The following CD74 variants were observed in gnomAD, a reference collection of about 807,000 sequenced individuals.
CD74 encodes the protein CD74 molecule, also known as HLA class II histocompatibility antigen gamma chain.
A neutral mutation model predicts 37.1 loss-of-function variants in CD74; 20 were observed. That is an observed-to-expected ratio of 0.54 (90% confidence interval 0.38 to 0.78). CD74 has a LOEUF of 0.78. CD74 is among the 30% of genes least tolerant of loss of function. CD74 has a pLI of 0.00. For synonymous variants in CD74, 150 were observed against 152.0 expected (o/e 0.99, Z 0.10); for missense variants, 338 against 389.5 (o/e 0.87, Z 1.11).
intron 5 of CD74, 53 bp from the exon 6 acceptor site, chr5:150,404,820 C>T: frequency 3.2e-6 from 4 of 1,249,474 alleles, no homozygotes; most frequent in African/African-American, 1.5e-5. Context: ...CAAGCCCCTA[C>T]ACTGCCTGGC....
chr5:150,412,744 G>C lies in CD74; in HGVS notation c.6C>G (p.His2Gln), dbSNP rs1282235230. ...CCCGACAGCTCCTGCTTCTCCTCCT[G>C]TGCATCTGGGACCCTGACCCCCCGG... M[H>Q]RRRSRSCRED... Residue 2 changes from histidine (H) to glutamine (Q), a missense_variant, in exon 1 of 9, where the codon CAC becomes CAG. Transcript: ENST00000009530. 1 of 1,613,996 alleles carries C rather than the reference G, an allele frequency of 6.2e-7. No homozygotes were observed. The highest frequency in any genetic ancestry group is 1.7e-5 in the Admixed American group (1 of 60,022).
chr5:150,402,075 TC>T lies in CD74; in HGVS notation c.*164del, dbSNP rs1769650017. 2 of 1,540,976 alleles carry T rather than the reference TC, an allele frequency of 1.3e-6. No homozygotes were observed. The highest frequency in any genetic ancestry group is 4.9e-5 in the East Asian group (2 of 40,922). On this transcript the variant is annotated 3_prime_UTR_variant, in exon 9 of 9. Transcript: ENST00000009530. This position sits in a 1 kb window ranked among gnomAD's most constrained non-coding sequence, Gnocchi z 4.2. The stretch of plus-strand genomic sequence containing the variant: ...GCCTTGCTGCATTGTTATCTGCTGT[TC>T]CGACTTGGTTTGTCTTGTCCAAGGG...
At chr5:150,412,413 C>T (rs1770397172) in intron 1 of CD74, among the ~76,000 whole-genome samples, 1 of 152,228 alleles carries the variant, frequency 6.6e-6, no homozygotes, top group African/African-American at 2.4e-5. Context: ...GTTACAAACT[C>T]CTGCTCTTAA....
intron 1 of CD74, among the ~76,000 whole-genome samples, chr5:150,410,395 T>G (rs1430644673): frequency 6.6e-6 from 1 of 152,184 alleles, no homozygotes; most frequent in Non-Finnish European, 1.5e-5. Flanking sequence ...TCTAAGTTGA[T>G]TAACCCTCTG....
At position 150,412,317 on chromosome 5, in the gene CD74, A is replaced by G. The variant is rs569326677; in HGVS notation, c.125+308T>C. Among the ~76,000 whole-genome samples, 14 of 152,326 alleles carry G rather than the reference A, an allele frequency of 9.2e-5. No individual in the cohort carries two copies. The East Asian group carries it at 2.7e-3, about 29-fold the overall frequency. ...ACAGCCCAGCTTTAGTGGGATCTCAAAGCCCCTGCATAGCATGTGAAACTC... is the reference window on the plus strand; with the variant it reads ...ACAGCCCAGCTTTAGTGGGATCTCAGAGCCCCTGCATAGCATGTGAAACTC... On this transcript the variant is annotated intron_variant, in intron 1 of 8. Coordinates refer to ENST00000009530, the MANE Select transcript of CD74 (RefSeq NM_001025159.3).
In CD74 at chr5:150,402,305, C is replaced by T. The variant is rs1420587198; in HGVS notation, c.881-55G>A. 8 of 1,332,976 alleles carry T rather than the reference C, an allele frequency of 6.0e-6. No individual in the cohort carries two copies. Among genetic ancestry groups the T allele is most frequent in the African/African-American group, 1.4e-5 (1 of 69,560 alleles). The allele number at this position is 1,332,976 out of a possible 1,614,324, so 82.6% of individuals were successfully genotyped here. Reference sequence around the variant, plus strand: ...GGGTCACCCATTTGTTGTCCCTGCCCCTTTCTAACATCCTGGACCTGCAGA... The same window carrying T: ...GGGTCACCCATTTGTTGTCCCTGCCTCTTTCTAACATCCTGGACCTGCAGA... On this transcript the variant is annotated intron_variant, in intron 8 of 8. Transcript: ENST00000009530. The surrounding 1 kb of genome is among the most constrained non-coding windows in gnomAD (Gnocchi z 4.2).
In CD74 at chr5:150,402,323, C is replaced by T. The variant is rs2151166230; in HGVS notation, c.881-73G>A. 1.7e-6 allele frequency: 2 copies of T among 1,175,770 alleles called. No individual in the cohort carries two copies. The highest frequency in any genetic ancestry group is 1.9e-5 in the Admixed American group (1 of 52,246). 72.8% of individuals were successfully genotyped at this position (1,175,770 alleles called of 1,614,324 possible). On this transcript the variant is annotated intron_variant, in intron 8 of 8. Transcript: ENST00000009530. The surrounding 1 kb of genome is among the most constrained non-coding windows in gnomAD (Gnocchi z 4.2). ...CCCTGCCCCTTTCTAACATCCTGGA[C>T]CTGCAGAGCAGTTAAGGACTGTCCA...
intron 4 of CD74, 136 bp downstream of exon 4, chr5:150,406,123 G>T (rs754199737): frequency 6.2e-5 from 45 of 725,240 alleles, no homozygotes; most frequent in Non-Finnish European, 1.0e-4. Context: ...ACATTTAAGG[G>T]TCACCCTTGT....
At chr5:150,405,039 G>C in intron 5 of CD74, 46 bp downstream of exon 5, 1 of 1,431,204 alleles carries the variant, frequency 7.0e-7, no homozygotes, top group Admixed American at 1.7e-5. Flanking sequence ...CCCTGCCCTA[G>C]ACACCAGAGG....
chr5:150,405,208 G>A (rs1308196141), intron 4 of CD74, 28 bp from the exon 5 acceptor site: 1 of 1,555,486 alleles, frequency 6.4e-7, no homozygotes, highest in African/African-American at 1.4e-5. Flanking sequence ...AGGAAGGATG[G>A]TTCAAGAAGA....
At chr5:150,409,704 C>CAAAAAAAAAAAAAAAAAA in intron 1 of CD74, among the ~76,000 whole-genome samples, 1 of 89,540 alleles carries the variant, frequency 1.1e-5, no homozygotes, top group Non-Finnish European at 2.1e-5. Context: ...AAAAACATAA[C>CAAAAAAAAAAAAAAAAAA]AAAAAAAAAA....
chr5:150,406,759 C>T, intron 3 of CD74, 122 bp downstream of exon 3: 1 of 647,010 alleles, frequency 1.5e-6, no homozygotes, highest in South Asian at 2.2e-5. Flanking sequence ...CAGGCACTGT[C>T]CCTCCCGCAG....
At chr5:150,404,957 G>C in intron 5 of CD74, 128 bp downstream of exon 5, 1 of 957,860 alleles carries the variant, frequency 1.0e-6, no homozygotes, top group Non-Finnish European at 1.6e-6. Context: ...TCCAGGTTTT[G>C]GAAGTGCTGG....
At chr5:150,409,704 C>CAAAAAAAAAAAA (rs755621804) in intron 1 of CD74, among the ~76,000 whole-genome samples, 29 of 89,436 alleles carry the variant, frequency 3.2e-4, no homozygotes, top group Non-Finnish European at 4.1e-4. Flanking sequence ...AAAAACATAA[C>CAAAAAAAAAAAA]AAAAAAAAAA....
chr5:150,405,451 A>G lies in CD74; in HGVS notation c.442-271T>C, dbSNP rs1034545641. The stretch of plus-strand genomic sequence containing the variant: ...ACAAGCCCCAGTGTCCTCCCTGTGG[A>G]TGGCTGCTCAGCTTTCAGGTCTTAC... On this transcript the variant is annotated intron_variant, in intron 4 of 8. Transcript: ENST00000009530. The G allele has an allele frequency of 9.1e-6, 11 of 1,208,828 alleles. No homozygotes were observed. In the African/African-American group the frequency reaches 1.6e-4, roughly 17 times the overall value. 74.9% of individuals were successfully genotyped at this position (1,208,828 alleles called of 1,614,324 possible).
At chr5:150,404,417 G>A (rs2151175444) in intron 6 of CD74, 1 of 468,996 alleles carries the variant, frequency 2.1e-6, no homozygotes, top group Non-Finnish European at 3.9e-6. Context: ...TATGAGAGAG[G>A]TCACCTGTAC....
intron 1 of CD74, among the ~76,000 whole-genome samples, chr5:150,408,768 T>C (rs1000794707): frequency 6.6e-6 from 1 of 152,204 alleles, no homozygotes; most frequent in African/African-American, 2.4e-5. Flanking sequence ...ACTAAGACCC[T>C]AGTCCAGGTG....
intron 1 of CD74, among the ~76,000 whole-genome samples, chr5:150,408,121 T>C (rs1030453546): frequency 6.6e-6 from 1 of 152,020 alleles, no homozygotes; most frequent in African/African-American, 2.4e-5. Context: ...CAAAAAAAAT[T>C]GTATGTGCTT....
intron 1 of CD74, among the ~76,000 whole-genome samples, chr5:150,409,782 T>A (rs1037801934): frequency 6.7e-6 from 1 of 149,720 alleles, no homozygotes; most frequent in Non-Finnish European, 1.5e-5. Context: ...GTTTGTTTGT[T>A]TGTTTGTTTG....
Sources: allele counts gnomAD v4.1 joint callset (sites outside exome capture counted in the v4.1 genomes callset), GRCh38; gene constraint gnomAD v4.1.1; non-coding constraint Gnocchi (gnomAD v3.1); transcripts MANE v1.5; gene names NCBI Gene and HGNC (gene_info 2026-07-23, HGNC 2026-07-21).